The following SMURF2 variants were observed in gnomAD, a reference collection of about 807,000 sequenced individuals.
SMURF2 encodes the protein E3 ubiquitin-protein ligase SMURF2.
Under a neutral mutation model 109.6 loss-of-function variants are expected in SMURF2, and 48 were observed. That is an observed-to-expected ratio of 0.44 (90% CI 0.35 to 0.56). The LOEUF is 0.56. Among genes scored for constraint, SMURF2 ranks in the 20% least tolerant of loss-of-function variants. SMURF2 has a pLI of 0.01. For synonymous variants in SMURF2, 288 were observed against 317.1 expected (o/e 0.91, Z 0.97); for missense variants, 575 against 909.0 (o/e 0.63, Z 4.72).
At chr17:64,627,049 C>T (rs1555691224) in intron 1 of SMURF2, among the ~76,000 whole-genome samples, 2 of 151,390 alleles carry the variant, frequency 1.3e-5, no homozygotes, top group African/African-American at 4.8e-5. Flanking sequence ...CCTGCCAAGC[C>T]CTGTACAAAT....
chr17:64,566,828 C>T (rs1464780015), intron 10 of SMURF2, among the ~76,000 whole-genome samples: 38 of 151,130 alleles, frequency 2.5e-4, no homozygotes, highest in African/African-American at 7.8e-4. Context: ...CCTCGGCCTC[C>T]CAAAGCGCTG....
At chr17:64,628,512 A>G (rs1555691335) in intron 1 of SMURF2, among the ~76,000 whole-genome samples, 1 of 152,144 alleles carries the variant, frequency 6.6e-6, no homozygotes, top group African/African-American at 2.4e-5. Context: ...TACATGTCTA[A>G]TAAGTACTAT....
At chr17:64,587,477 T>TG (rs1969680250) in intron 5 of SMURF2, among the ~76,000 whole-genome samples, 1 of 152,234 alleles carries the variant, frequency 6.6e-6, no homozygotes, top group African/African-American at 2.4e-5. Flanking sequence ...AGTCCTTCTT[T>TG]GCCACTCCAG....
At chr17:64,618,379 C>T (rs543038621) in intron 1 of SMURF2, among the ~76,000 whole-genome samples, 15 of 152,258 alleles carry the variant, frequency 9.9e-5, no homozygotes, top group Admixed American at 7.2e-4. Context: ...AGGCACTCTA[C>T]GAAAGCTATT....
At chr17:64,636,508 C>A (rs1970417873) in intron 1 of SMURF2, among the ~76,000 whole-genome samples, 1 of 147,732 alleles carries the variant, frequency 6.8e-6, no homozygotes, top group Non-Finnish European at 1.5e-5. Flanking sequence ...GAGGCTGAGG[C>A]AGGAGAATCG....
chr17:64,561,527 T>C lies in SMURF2; in HGVS notation c.1289A>G (p.Glu430Gly). 6.2e-7 allele frequency: 1 copy of C among 1,613,998 alleles called. No homozygotes were observed. Among genetic ancestry groups the C allele is most frequent in the Non-Finnish European group, 8.5e-7 (1 of 1,179,924 alleles). Residue 430 changes from glutamate (E) to glycine (G), a missense_variant, in exon 12 of 19, where the codon GAA becomes GGA. Transcript: ENST00000262435. ...GGCAACGCCTCCATAGTCAAGGCCT[T>C]CTTCTCCACGAAATTTTATCATTAA... ...KRLMIKFRGE[E>G]GLDYGGVARE...
intron 1 of SMURF2, among the ~76,000 whole-genome samples, chr17:64,610,470 G>C (rs1020974623): frequency 6.6e-6 from 1 of 152,104 alleles, no homozygotes; most frequent in Non-Finnish European, 1.5e-5. Context: ...ACATGGATGA[G>C]GCCGGAAAGC....
At chr17:64,611,597 C>T (rs1245784998) in intron 1 of SMURF2, among the ~76,000 whole-genome samples, 1 of 152,140 alleles carries the variant, frequency 6.6e-6, no homozygotes, top group Non-Finnish European at 1.5e-5. Flanking sequence ...AGCAATTCTA[C>T]CTCGGAAATA....
rs949894395 is a variant in SMURF2, at chr17:64,646,120, G to A, written c.52+15709C>T. 4.6e-5 allele frequency among the ~76,000 whole-genome samples: 7 copies of A among 151,050 alleles called. No individual in the cohort carries two copies. The East Asian group carries it at 5.8e-4, about 13-fold the overall frequency. Reference sequence around the variant, plus strand: ...CCCGCTCTGTTGCCTAGGCTGGAGTGCAGTGGTGCCATCTCAGCTCACTGC... The same window carrying A: ...CCCGCTCTGTTGCCTAGGCTGGAGTACAGTGGTGCCATCTCAGCTCACTGC... On this transcript the variant is annotated intron_variant, in intron 1 of 18. Transcript: ENST00000262435.
chr17:64,554,343 T>G (rs1225056526), intron 15 of SMURF2, among the ~76,000 whole-genome samples: 2 of 152,226 alleles, frequency 1.3e-5, no homozygotes, highest in African/African-American at 2.4e-5. Context: ...ATCTAGCAGC[T>G]TCTGCTTTTG....
intron 12 of SMURF2, among the ~76,000 whole-genome samples, 170 bp downstream of exon 12, chr17:64,561,330 C>T (rs1435418135): frequency 6.6e-6 from 1 of 152,150 alleles, no homozygotes; most frequent in Non-Finnish European, 1.5e-5. Context: ...TGTCCGGTAG[C>T]AGTGCCACCC....
chr17:64,550,747 ACT>A (rs1170387868), intron 16 of SMURF2, among the ~76,000 whole-genome samples: 3 of 137,652 alleles, frequency 2.2e-5, no homozygotes, highest in Non-Finnish European at 3.1e-5. Flanking sequence ...AGCCTGGGCA[ACT>A]CTGTCTCCAA....
intron 1 of SMURF2, among the ~76,000 whole-genome samples, chr17:64,632,000 C>T (rs1258685684): frequency 6.8e-6 from 1 of 146,056 alleles, no homozygotes; most frequent in Non-Finnish European, 1.5e-5. Context: ...GCACACTCGC[C>T]CACGCTGAGT....
chr17:64,649,661 G>A (rs1221268874), intron 1 of SMURF2, among the ~76,000 whole-genome samples: 1 of 147,510 alleles, frequency 6.8e-6, no homozygotes, highest in African/African-American at 2.5e-5. Flanking sequence ...TGGCCAACAT[G>A]GTGAAACCCT....
At chr17:64,602,313 A>C (rs1969909177) in intron 2 of SMURF2, among the ~76,000 whole-genome samples, 1 of 152,156 alleles carries the variant, frequency 6.6e-6, no homozygotes, top group East Asian at 1.9e-4. Flanking sequence ...TGTTCCCCCA[A>C]AACTTATTGA....
intron 1 of SMURF2, among the ~76,000 whole-genome samples, chr17:64,616,781 T>C (rs1377344761): frequency 1.3e-5 from 2 of 151,854 alleles, no homozygotes; most frequent in Non-Finnish European, 1.5e-5. Flanking sequence ...TAAAGAATCT[T>C]ACTCTAGGCT....
intron 2 of SMURF2, among the ~76,000 whole-genome samples, chr17:64,600,893 A>G (rs574922734): frequency 4.1e-4 from 63 of 152,296 alleles, no homozygotes; most frequent in Middle Eastern, 3.4e-3. Flanking sequence ...GGGTGTTATT[A>G]AACTAGTTGA....
intron 9 of SMURF2, among the ~76,000 whole-genome samples, chr17:64,572,399 G>T (rs186818429): frequency 2.6e-5 from 4 of 151,922 alleles, no homozygotes; most frequent in Non-Finnish European, 4.4e-5. Flanking sequence ...TTTTAAGCTC[G>T]CCAACAAAGC....
intron 16 of SMURF2, among the ~76,000 whole-genome samples, chr17:64,550,357 T>G (rs1377578694): frequency 3.3e-5 from 5 of 152,250 alleles, no homozygotes; most frequent in Non-Finnish European, 5.9e-5. Context: ...AACCTCGTGT[T>G]TTTTAGTTGT....
Sources: allele counts gnomAD v4.1 joint callset (sites outside exome capture counted in the v4.1 genomes callset), GRCh38; gene constraint gnomAD v4.1.1; transcripts MANE v1.5; gene names NCBI Gene and HGNC (gene_info 2026-07-23, HGNC 2026-07-21).